The following TSNARE1 variants were observed in gnomAD, a reference collection of about 807,000 sequenced individuals.
TSNARE1 encodes the protein t-SNARE domain containing 1.
Under a neutral mutation model 62.0 loss-of-function variants are expected in TSNARE1, and 49 were observed. That is an observed-to-expected ratio of 0.79 (90% CI 0.63 to 1.00). The LOEUF (loss-of-function observed/expected upper bound fraction) is 1.00, where lower values mean the gene tolerates loss of function less well. Among genes scored for constraint, TSNARE1 ranks in the 50% least tolerant of loss-of-function variants. The pLI is 0.00. For missense variants in TSNARE1, 755 were observed against 700.1 expected (o/e 1.08, Z -0.88); for synonymous variants, 328 against 294.4 (o/e 1.11, Z -1.17).
chr8:142,288,569 G>A (rs1310628084), intron 10 of TSNARE1, among the ~76,000 whole-genome samples: 1 of 152,264 alleles, frequency 6.6e-6, no homozygotes, highest in Non-Finnish European at 1.5e-5. Context: ...TTTGTAGTCA[G>A]TGCTGGTGCC....
At chr8:142,287,991 CATGGG>C (rs1823052824) in intron 10 of TSNARE1, among the ~76,000 whole-genome samples, 1 of 152,234 alleles carries the variant, frequency 6.6e-6, no homozygotes, top group South Asian at 2.1e-4. Flanking sequence ...CAGCCACCAG[CATGGG>C]ATGGGCCTTA....
chr8:142,298,465 C>T (rs1282112211), intron 10 of TSNARE1, among the ~76,000 whole-genome samples: 3 of 152,134 alleles, frequency 2.0e-5, no homozygotes, highest in Non-Finnish European at 4.4e-5. Flanking sequence ...CAGGCCAGGA[C>T]AGTGAGAAGC....
At chr8:142,377,716 A>G (rs748014419) in intron 1 of TSNARE1, among the ~76,000 whole-genome samples, 1 of 152,220 alleles carries the variant, frequency 6.6e-6, no homozygotes, top group Non-Finnish European at 1.5e-5. Flanking sequence ...GGCCCCTGCA[A>G]AATGATCATG....
chr8:142,330,414 C>A (rs897927694), intron 6 of TSNARE1, among the ~76,000 whole-genome samples: 1 of 152,246 alleles, frequency 6.6e-6, no homozygotes, highest in African/African-American at 2.4e-5. Flanking sequence ...CAGTGGGAGC[C>A]CGCCAAGGCT....
intron 1 of TSNARE1, among the ~76,000 whole-genome samples, chr8:142,380,687 G>C (rs1374662197): frequency 6.6e-6 from 1 of 152,156 alleles, no homozygotes; most frequent in Non-Finnish European, 1.5e-5. Context: ...CAAGCTGTGT[G>C]GTGAGGCTGA....
intron 12 of TSNARE1, chr8:142,270,659 G>A (rs995614289): frequency 1.4e-5 from 14 of 985,224 alleles, no homozygotes; most frequent in Middle Eastern, 5.2e-4. Context: ...ACCAGATCAC[G>A]CTTGGGACCT....
At chr8:142,332,248 CAG>C (rs2132043119) in intron 4 of TSNARE1, among the ~76,000 whole-genome samples, 1 of 152,346 alleles carries the variant, frequency 6.6e-6, no homozygotes, top group East Asian at 1.9e-4. Flanking sequence ...GCATTGGAAA[CAG>C]AAACACTGGT....
intron 1 of TSNARE1, among the ~76,000 whole-genome samples, chr8:142,393,911 A>G (rs1837718202): frequency 6.6e-6 from 1 of 152,162 alleles, no homozygotes; most frequent in African/African-American, 2.4e-5. Context: ...TTGTGGTTGC[A>G]GCCGTGTGGT....
chr8:142,364,673 G>A (rs570648795), intron 1 of TSNARE1, among the ~76,000 whole-genome samples: 22 of 152,298 alleles, frequency 1.4e-4, no homozygotes, highest in South Asian at 8.3e-4. Flanking sequence ...AAAAGAGTAC[G>A]GAAGAGCTCA....
chr8:142,221,995 AC>A (rs1197962907), intron 13 of TSNARE1, among the ~76,000 whole-genome samples: 154 of 81,802 alleles, frequency 1.9e-3, no homozygotes, highest in Non-Finnish European at 2.7e-3. Context: ...TCATTCACTC[AC>A]TCACTGATTC....
At chr8:142,280,522 C>T (rs758201638) in intron 11 of TSNARE1, among the ~76,000 whole-genome samples, 7 of 152,198 alleles carry the variant, frequency 4.6e-5, no homozygotes, top group Non-Finnish European at 7.3e-5. Context: ...CCTGTCCACC[C>T]GGCAGGTGCC....
chr8:142,361,252 A>C (rs1835132885), intron 1 of TSNARE1, among the ~76,000 whole-genome samples: 1 of 152,242 alleles, frequency 6.6e-6, no homozygotes, highest in Admixed American at 6.5e-5. Context: ...TCTGTGCTCC[A>C]GATGGGGACA....
intron 11 of TSNARE1, among the ~76,000 whole-genome samples, chr8:142,284,087 T>C (rs1360963341): frequency 6.9e-6 from 1 of 144,404 alleles, no homozygotes; most frequent in Non-Finnish European, 1.6e-5. Context: ...TGTCTGCCAA[T>C]GAGCAGAGGC....
intron 12 of TSNARE1, among the ~76,000 whole-genome samples, chr8:142,265,652 C>T (rs995045615): frequency 1.3e-5 from 2 of 152,220 alleles, no homozygotes; most frequent in Non-Finnish European, 1.5e-5. Flanking sequence ...GTTATGTTTA[C>T]ATGTTGAAGA....
At chr8:142,313,550 T>G (rs1453209906) in intron 9 of TSNARE1, among the ~76,000 whole-genome samples, 1 of 151,990 alleles carries the variant, frequency 6.6e-6, no homozygotes, top group Non-Finnish European at 1.5e-5. Flanking sequence ...TGCATGTCTG[T>G]TTACCTGCAT....
intron 2 of TSNARE1, among the ~76,000 whole-genome samples, chr8:142,347,053 C>T (rs974357057): frequency 5.9e-5 from 9 of 152,384 alleles, no homozygotes; most frequent in African/African-American, 1.7e-4. Context: ...CAGGAAAGGG[C>T]CTCCAGTGCC....
intron 8 of TSNARE1, 60 bp downstream of exon 8, chr8:142,314,943 G>T (rs895128064): frequency 6.5e-7 from 1 of 1,532,054 alleles, no homozygotes; most frequent in Admixed American, 1.7e-5. Flanking sequence ...ACAGTGCTCC[G>T]GGAACCGAGG....
intron 12 of TSNARE1, among the ~76,000 whole-genome samples, chr8:142,254,843 C>T (rs766415803): frequency 2.0e-5 from 3 of 152,170 alleles, no homozygotes; most frequent in South Asian, 2.1e-4. Context: ...GAGAGTCTCT[C>T]GCAGGGGTGG....
At chr8:142,275,618 C>A in intron 11 of TSNARE1, 1 of 985,408 alleles carries the variant, frequency 1.0e-6, no homozygotes, top group African/African-American at 1.7e-5. Context: ...GAGCCACATG[C>A]AAACACGAGC....
Sources: allele counts gnomAD v4.1 joint callset (sites outside exome capture counted in the v4.1 genomes callset), GRCh38; gene constraint gnomAD v4.1.1; transcripts MANE v1.5; gene names NCBI Gene and HGNC (gene_info 2026-07-23, HGNC 2026-07-21).